The following ZNF534 variants were observed in gnomAD, a reference collection of about 807,000 sequenced individuals.
ZNF534 encodes zinc finger protein 534, also known as KRAB domain only 3.
Under a neutral mutation model 13.6 loss-of-function variants are expected in ZNF534, and 19 were observed. The observed-to-expected ratio is 1.40, with a 90% CI of 0.97 to 2.05. ZNF534 has a LOEUF of 2.05. Ranked by LOEUF, ZNF534 falls within the 30% of genes most tolerant of loss-of-function variation. The probability of loss-of-function intolerance (pLI) is 0.00; values close to 1 mark genes in which losing one functional copy is unlikely to be tolerated. For synonymous variants in ZNF534, 244 were observed against 273.8 expected, an observed-to-expected ratio of 0.89 and a Z score of 1.07; for missense variants, 782 against 796.3, an observed-to-expected ratio of 0.98 and a Z score of 0.22.
At chr19:52,442,837 T>G (rs990840800), downstream of ZNF534, among the ~76,000 whole-genome samples, 2 of 152,214 alleles carry the variant, frequency 1.3e-5, no homozygotes, top group Non-Finnish European at 2.9e-5. Flanking sequence ...ATTGTCTGAT[T>G]TAGACAGCAT....
Position 52,441,709 on chromosome 19 carries a change from T to A in ZNF534, c.*2263T>A, listed in dbSNP as rs1029541748. Among the ~76,000 whole-genome samples the A allele has an allele frequency of 1.3e-5, 2 of 152,146 alleles. No individual in the cohort carries two copies. The highest frequency in any genetic ancestry group is 2.9e-5 in the Non-Finnish European group (2 of 68,034). On this transcript the variant is annotated 3_prime_UTR_variant, in exon 5 of 5. Coordinates refer to ENST00000433050, the MANE Select transcript of ZNF534 (RefSeq NM_001143938.3). ...TACAACTGTAATGAATGTGGCAAGG[T>A]CTCAAATTGAAATTCACATCTTGCG...
downstream of ZNF534, among the ~76,000 whole-genome samples, chr19:52,445,718 T>TCATCCTC: frequency 9.7e-5 from 1 of 10,266 alleles, no homozygotes; most frequent in African/African-American, 3.2e-4. Context: ...GGCTTCCTAA[T>TCATCCTC]TTACTCTTGC....
chr19:52,431,943 G>A (rs961525495), intron 2 of ZNF534, among the ~76,000 whole-genome samples: 1 of 151,328 alleles, frequency 6.6e-6, no homozygotes, highest in East Asian at 1.9e-4. Context: ...ATGTATATGT[G>A]TACTAGTGTA....
downstream of ZNF534, among the ~76,000 whole-genome samples, chr19:52,444,944 C>T (rs1313892313): frequency 6.6e-6 from 1 of 152,156 alleles, no homozygotes; most frequent in Non-Finnish European, 1.5e-5. Context: ...ACTACAAAAG[C>T]AAGTAAGGCT....
Position 52,437,872 on chromosome 19 carries a change from T to A in ZNF534, c.412T>A (p.Ser138Thr). 6.2e-7 allele frequency: 1 copy of A among 1,613,782 alleles called. No individual in the cohort carries two copies. Among genetic ancestry groups the A allele is most frequent in the Non-Finnish European group, 8.5e-7 (1 of 1,179,822 alleles). The stretch of plus-strand genomic sequence containing the variant: ...TTATGGATGTAAGCATGTTGAGAAA[T>A]CTATCAGTGACAATTCTTCAGTTTC... ...NIYGCKHVEKSISDNSSVSPV... is the reference protein window; with the variant it reads ...NIYGCKHVEKTISDNSSVSPV... The change falls in exon 5 of 5, where the codon TCT (serine) becomes ACT (threonine). Residue 138 changes from serine (S) to threonine (T), a missense_variant. Around this residue, in one of 5 missense-constraint regions of ZNF534, gnomAD observed 591 missense variants for 574.0 expected, o/e 1.03. Coordinates refer to ENST00000433050, the MANE Select transcript of ZNF534 (RefSeq NM_001143938.3).
chr19:52,432,858 C>G (rs1286438951), intron 2 of ZNF534, among the ~76,000 whole-genome samples: 7 of 152,008 alleles, frequency 4.6e-5, no homozygotes, highest in Non-Finnish European at 8.8e-5. Flanking sequence ...TCTCGAACTC[C>G]TTACCTCATG....
chr19:52,433,254 A>G (rs962269469), intron 2 of ZNF534, among the ~76,000 whole-genome samples: 3 of 151,586 alleles, frequency 2.0e-5, no homozygotes, highest in Admixed American at 6.6e-5. Flanking sequence ...AAAAAAAAAA[A>G]AAAAAAGAAA....
At chr19:52,432,094 A>G (rs1048960495) in intron 2 of ZNF534, among the ~76,000 whole-genome samples, 15 of 151,900 alleles carry the variant, frequency 9.9e-5, no homozygotes, top group African/African-American at 3.6e-4. Context: ...AATTACATCT[A>G]TTTATCAGGA....
intron 2 of ZNF534, among the ~76,000 whole-genome samples, chr19:52,433,141 G>A (rs1351395931): frequency 1.3e-5 from 2 of 150,270 alleles, no homozygotes; most frequent in African/African-American, 4.9e-5. Context: ...TACTCGGGAG[G>A]CTTAAGAGGA....
rs8104905 is a variant in ZNF534, at chr19:52,442,054, A to G, written c.*2608A>G. Reference sequence around the variant, plus strand: ...GCCAAATCACTAGAAATCAAAATATACTTTTGGATAAAACGACACAGATGG... The same window carrying G: ...GCCAAATCACTAGAAATCAAAATATGCTTTTGGATAAAACGACACAGATGG... On this transcript the variant is annotated 3_prime_UTR_variant, in exon 5 of 5. Transcript: ENST00000433050. 0.036 allele frequency among the ~76,000 whole-genome samples: 828 copies of G among 23,142 alleles called. 11 individuals are homozygous for G. Among genetic ancestry groups the G allele is most frequent in the African/African-American group, 0.076 (787 of 10,398 alleles). The allele number at this position is 23,142 out of a possible 152,430, so 15.2% of individuals were successfully genotyped here.
downstream of ZNF534, among the ~76,000 whole-genome samples, chr19:52,443,226 T>C (rs990567593): frequency 6.6e-6 from 1 of 152,182 alleles, no homozygotes; most frequent in Non-Finnish European, 1.5e-5. Flanking sequence ...CTGATGACAG[T>C]GTGCCTAGGT....
intron 4 of ZNF534, among the ~76,000 whole-genome samples, chr19:52,436,160 A>ACCAGGAGG (rs2059127783): frequency 1.3e-5 from 2 of 150,456 alleles, no homozygotes; most frequent in Non-Finnish European, 3.0e-5. Context: ...GGATGTTCTC[A>ACCAGGAGG]ATCTCCTGAC....
At chr19:52,448,763 A>G (rs2561023) in intron 4 of ZNF534, among the ~76,000 whole-genome samples, 139,035 of 152,230 alleles carry the variant, frequency 0.91, 63,850 homozygotes, top group Non-Finnish European at 0.96. Context: ...GTATTTATTT[A>G]TATGGTACAT....
In ZNF534 at chr19:52,441,236, C is replaced by G. The variant is rs1262182001; in HGVS notation, c.*1790C>G. Among the ~76,000 whole-genome samples the G allele has an allele frequency of 2.0e-5, 3 of 152,068 alleles. No homozygotes were observed. The highest frequency in any genetic ancestry group is 7.2e-5 in the African/African-American group (3 of 41,394). On this transcript the variant is annotated 3_prime_UTR_variant, in exon 5 of 5. Transcript: ENST00000433050. ...TCATATGAATATATGGAATGTACTCCAGGCATGGTGGCTCACACCTATAAT... is the reference window on the plus strand; with the variant it reads ...TCATATGAATATATGGAATGTACTCGAGGCATGGTGGCTCACACCTATAAT...
At chr19:52,437,608 C>T (rs914557977) in intron 4 of ZNF534, 124 bp from the exon 5 acceptor site, 6 of 1,005,176 alleles carry the variant, frequency 6.0e-6, no homozygotes, top group Non-Finnish European at 8.5e-6. Context: ...GACTCCATCT[C>T]AATAAAAACA....
chr19:52,446,929 G>A (rs780561246), downstream of ZNF534, among the ~76,000 whole-genome samples: 12 of 152,172 alleles, frequency 7.9e-5, no homozygotes, highest in Non-Finnish European at 1.5e-4. Flanking sequence ...GCAATGCTGT[G>A]ATTGTTCTTC....
intron 3 of ZNF534, among the ~76,000 whole-genome samples, 168 bp from the exon 4 acceptor site, chr19:52,434,913 C>A (rs112381015): frequency 0.018 from 2,794 of 152,214 alleles, 93 homozygotes; most frequent in African/African-American, 0.063. Context: ...GGGGGCTTGA[C>A]GTCTACATGT....
At chr19:52,433,756 T>C in intron 2 of ZNF534, 199 bp from the exon 3 acceptor site, 1 of 664,620 alleles carries the variant, frequency 1.5e-6, no homozygotes, top group South Asian at 1.5e-5. Context: ...TCTACTCTGA[T>C]TTAAAGAATG....
At position 52,438,462 on chromosome 19, in the gene ZNF534, C is replaced by G; in HGVS notation, c.1002C>G (p.Val334=). The change falls in exon 5 of 5, where the codon GTC becomes GTG. Residue 334 remains valine (V), a synonymous_variant. Coordinates refer to ENST00000433050, the MANE Select transcript of ZNF534 (RefSeq NM_001143938.3). Reference sequence around the variant, plus strand: ...ATGATTGTAAGGAATGTGGCAAGGTCTTCAGGCATAAGTCTTCCCTAACCA... The same window carrying G: ...ATGATTGTAAGGAATGTGGCAAGGTGTTCAGGCATAAGTCTTCCCTAACCA... ...KPYDCKECGK[V]FRHKSSLTTH... The G allele has an allele frequency of 6.2e-7, 1 of 1,604,946 alleles. No individual in the cohort carries two copies. Among genetic ancestry groups the G allele is most frequent in the Non-Finnish European group, 8.5e-7 (1 of 1,175,058 alleles).
Sources: gnomAD v4.1 joint callset for allele counts (sites outside exome capture counted in the v4.1 genomes callset) on GRCh38, gnomAD v4.1.1 for gene constraint, gnomAD v4.1.1 regional missense constraint, MANE v1.5 for transcripts, NCBI Gene and HGNC (gene_info 2026-07-23, HGNC 2026-07-21) for gene names.